Variants in TMC5 observed in about 807,000 individuals in gnomAD.
TMC5 encodes the protein transmembrane channel-like protein 5.
A neutral mutation model predicts 110.5 loss-of-function variants in TMC5; 86 were observed. That is an observed-to-expected ratio of 0.78 (90% CI 0.65 to 0.93). The LOEUF (loss-of-function observed/expected upper bound fraction) is 0.93, where lower values mean the gene tolerates loss of function less well. Ranked by LOEUF, TMC5 falls within the 40% of genes least tolerant of loss-of-function variation. TMC5 has a pLI of 0.00. For synonymous variants in TMC5, 455 were observed against 439.5 expected (o/e 1.04, Z -0.44); for missense variants, 1,144 against 1,222.8 (o/e 0.94, Z 0.96).
intron 8 of TMC5, among the ~76,000 whole-genome samples, chr16:19,465,017 T>G (rs1257408030): frequency 1.6e-4 from 5 of 32,166 alleles, no homozygotes; most frequent in African/African-American, 3.0e-4. Flanking sequence ...CTTTCTTTCT[T>G]TCTTTCTTTC....
chr16:19,467,775 C>T (rs1323599934), intron 9 of TMC5, among the ~76,000 whole-genome samples: 2 of 152,094 alleles, frequency 1.3e-5, no homozygotes, highest in Admixed American at 6.6e-5. Flanking sequence ...AGCCACTGCG[C>T]CCGGCCTGTA....
chr16:19,413,053 A>G (rs201972611), upstream of TMC5, among the ~76,000 whole-genome samples: 1 of 152,048 alleles, frequency 6.6e-6, no homozygotes, highest in Admixed American at 6.6e-5. Context: ...TGTGTTGCCC[A>G]GGCTGGTCTC....
intron 5 of TMC5, among the ~76,000 whole-genome samples, chr16:19,457,829 T>C (rs980919165): frequency 8.1e-5 from 12 of 148,320 alleles, no homozygotes; most frequent in African/African-American, 2.7e-4. Context: ...GTTTAAGTGA[T>C]TCTCATGCCT....
In TMC5 at chr16:19,419,402, G is replaced by GTTTTTTTTTTTT. The variant is rs55696911; in HGVS notation, c.-308+1327_-308+1338dup. Among the ~76,000 whole-genome samples the GTTTTTTTTTTTT allele has an allele frequency of 2.4e-4, 16 of 65,650 alleles. 4 individuals are homozygous for GTTTTTTTTTTTT. The highest frequency in any genetic ancestry group is 3.6e-4 in the Non-Finnish European group (13 of 36,052). 43.1% of individuals were successfully genotyped at this position (65,650 alleles called of 152,430 possible). A position where few individuals can be genotyped will look rare whatever the true frequency, so the allele number is the denominator to read the frequency against. ...AAGCTCAGTGGAAATGAATGTGTTGGTTTTTTTTTTTTTTTTTTTTTTTTT... is the reference window on the plus strand; with the variant it reads ...AAGCTCAGTGGAAATGAATGTGTTGGTTTTTTTTTTTTTTTTTTTTTTTTTTTTTTTTTTTTT... On this transcript the variant is annotated intron_variant, in intron 1 of 21. Coordinates refer to ENST00000542583, the MANE Select transcript of TMC5 (RefSeq NM_001261841.2).
chr16:19,431,921 T>C (rs1281302042), intron 2 of TMC5, among the ~76,000 whole-genome samples: 1 of 152,200 alleles, frequency 6.6e-6, no homozygotes, highest in Non-Finnish European at 1.5e-5. Flanking sequence ...GCCCATCCCC[T>C]GTTGATGAAT....
intron 17 of TMC5, among the ~76,000 whole-genome samples, chr16:19,489,051 C>G (rs2143744615): frequency 6.8e-6 from 1 of 147,174 alleles, no homozygotes; most frequent in Middle Eastern, 3.4e-3. Flanking sequence ...CCTTGCTCCA[C>G]AACGCCCTTG....
intron 13 of TMC5, among the ~76,000 whole-genome samples, chr16:19,478,725 T>A (rs999600794): frequency 1.3e-5 from 2 of 152,164 alleles, no homozygotes; most frequent in Admixed American, 1.3e-4. Context: ...TGTCAATTCA[T>A]GTATTCATCC....
intron 18 of TMC5, among the ~76,000 whole-genome samples, chr16:19,491,397 G>A (rs545295545): frequency 1.9e-3 from 291 of 152,208 alleles, no homozygotes; most frequent in Non-Finnish European, 3.0e-3. Context: ...GAGATGGGAG[G>A]ATTGCTTGAG....
At chr16:19,491,533 ATTTTTTTT>A (rs71275925) in intron 18 of TMC5, among the ~76,000 whole-genome samples, 2 of 117,854 alleles carry the variant, frequency 1.7e-5, no homozygotes, top group Admixed American at 9.2e-5. Flanking sequence ...TGTCTTAGGG[ATTTTTTTT>A]TTTTTTTTTT....
At chr16:19,488,405 C>T (rs956013679) in intron 17 of TMC5, among the ~76,000 whole-genome samples, 1 of 152,002 alleles carries the variant, frequency 6.6e-6, no homozygotes, top group African/African-American at 2.4e-5. Flanking sequence ...GGGAGATGCC[C>T]CCCCACCCCG....
chr16:19,453,853 G>A (rs1353228053), intron 5 of TMC5, among the ~76,000 whole-genome samples: 1 of 152,114 alleles, frequency 6.6e-6, no homozygotes, highest in African/African-American at 2.4e-5. Flanking sequence ...GGAAGCACCT[G>A]CCACATAGTG....
chr16:19,477,102 G>A, intron 12 of TMC5: 1 of 227,066 alleles, frequency 4.4e-6, no homozygotes, highest in South Asian at 4.8e-5. Flanking sequence ...AAAAAAATTA[G>A]CCAGGTGTGG....
intron 4 of TMC5, among the ~76,000 whole-genome samples, chr16:19,444,504 TG>T (rs1408197234): frequency 6.6e-6 from 1 of 152,164 alleles, no homozygotes; most frequent in Non-Finnish European, 1.5e-5. Flanking sequence ...CTACCAGAGT[TG>T]GTGAAGCTCA....
chr16:19,418,193 A>G (rs1291448193), intron 1 of TMC5, 101 bp downstream of exon 1: 1 of 152,220 alleles, frequency 6.6e-6, no homozygotes, highest in Non-Finnish European at 1.5e-5. Context: ...AGGCTGTCGT[A>G]TTGCTTATTG....
intron 9 of TMC5, among the ~76,000 whole-genome samples, chr16:19,467,859 C>G (rs1465300185): frequency 6.6e-6 from 1 of 152,104 alleles, no homozygotes; most frequent in African/African-American, 2.4e-5. Flanking sequence ...CTTCAACATA[C>G]GAATTTTGGG....
chr16:19,438,222 C>T (rs766433410), intron 2 of TMC5, among the ~76,000 whole-genome samples: 34 of 150,706 alleles, frequency 2.3e-4, no homozygotes, highest in Non-Finnish European at 4.1e-4. Flanking sequence ...TAGGGAGACC[C>T]CATCTCTACA....
rs1043560300 is a variant in TMC5, at chr16:19,418,089, G to A, written c.-311G>A. On this transcript the variant is annotated 5_prime_UTR_variant, in exon 1 of 22. Coordinates refer to ENST00000542583, the MANE Select transcript of TMC5 (RefSeq NM_001261841.2). The stretch of plus-strand genomic sequence containing the variant: ...TCTGGATTTTCCTGTAGAACTGAGG[G>A]CAGGTAAGTGAAAGTGCTTTGAAGG... 2.0e-5 allele frequency: 3 copies of A among 152,326 alleles called. No individual in the cohort carries two copies. Among genetic ancestry groups the A allele is most frequent in the South Asian group, 2.1e-4 (1 of 4,820 alleles). 9.4% of individuals were successfully genotyped at this position (152,326 alleles called of 1,614,324 possible).
chr16:19,442,392 A>G (rs1210148856), intron 3 of TMC5, among the ~76,000 whole-genome samples: 1 of 143,254 alleles, frequency 7.0e-6, no homozygotes, highest in African/African-American at 2.6e-5. Flanking sequence ...GCAGTGGCTC[A>G]GTTTTGGCTC....
intron 1 of TMC5, among the ~76,000 whole-genome samples, chr16:19,427,283 G>A (rs1238637079): frequency 6.6e-6 from 1 of 152,100 alleles, no homozygotes; most frequent in African/African-American, 2.4e-5. Context: ...GTGAATTAAA[G>A]TTAATTAAAA....
Sources: allele counts gnomAD v4.1 joint callset (sites outside exome capture counted in the v4.1 genomes callset), GRCh38; gene constraint gnomAD v4.1.1; transcripts MANE v1.5; gene names NCBI Gene and HGNC (gene_info 2026-07-23, HGNC 2026-07-21).